TDRD10: variants seen among roughly 807,000 people sequenced by gnomAD.
The protein encoded by TDRD10 is tudor domain containing 10.
Under a neutral mutation model 48.0 loss-of-function variants are expected in TDRD10, and 40 were observed. That is an observed-to-expected ratio of 0.83 (90% CI 0.65 to 1.09). The LOEUF (loss-of-function observed/expected upper bound fraction) is 1.09, where lower values mean the gene tolerates loss of function less well. Among genes scored for constraint, TDRD10 ranks in the 50% least tolerant of loss-of-function variants. The pLI is 0.00. For missense variants in TDRD10, 378 were observed against 434.7 expected (o/e 0.87, Z 1.16); for synonymous variants, 162 against 170.4 (o/e 0.95, Z 0.38).
At chr1:154,543,833 C>T (rs1445711565) in intron 8 of TDRD10, 130 bp from the exon 9 acceptor site, 39 of 1,389,962 alleles carry the variant, frequency 2.8e-5, no homozygotes, top group Non-Finnish European at 3.5e-5. Flanking sequence ...GGGGTGGGCA[C>T]AGCCTTTCTG....
At chr1:154,518,589 G>A (rs1046381457) in intron 4 of TDRD10, among the ~76,000 whole-genome samples, 2 of 152,092 alleles carry the variant, frequency 1.3e-5, no homozygotes, top group Non-Finnish European at 2.9e-5. Flanking sequence ...CACCACGCCC[G>A]GCTAATTTTT....
chr1:154,547,634 G>T (rs759518730), intron 12 of TDRD10, 44 bp from the exon 13 acceptor site: 1 of 1,604,862 alleles, frequency 6.2e-7, no homozygotes, highest in South Asian at 1.1e-5. Flanking sequence ...GAACTGGCTC[G>T]GGTGGGCCTT....
At chr1:154,515,571 G>C (rs1178072623) in intron 4 of TDRD10, among the ~76,000 whole-genome samples, 1 of 152,172 alleles carries the variant, frequency 6.6e-6, no homozygotes, top group Non-Finnish European at 1.5e-5. Flanking sequence ...TGCACCTATG[G>C]CACTGCTCTG....
Position 154,507,346 on chromosome 1 carries a change from G to A in TDRD10, c.82+26G>A, listed in dbSNP as rs775942160. On this transcript the variant is annotated intron_variant, in intron 3 of 12. Coordinates refer to ENST00000368482, the MANE Select transcript of TDRD10 (RefSeq NM_182499.4). ...GTAAGTTAGGCTGGGGGATTCGCTG[G>A]TGCTGGGACTCTCATCCTACAACTT... 3 of 1,612,372 alleles carry A rather than the reference G, an allele frequency of 1.9e-6. No individual in the cohort carries two copies. The African/African-American group carries it at 4.0e-5, about 22-fold the overall frequency.
intron 1 of TDRD10, among the ~76,000 whole-genome samples, chr1:154,505,199 T>C (rs1483162807): frequency 6.6e-6 from 1 of 152,246 alleles, no homozygotes; most frequent in Non-Finnish European, 1.5e-5. Context: ...GGACTTCATC[T>C]GTAAAACGGG....
chr1:154,540,753 G>A (rs1200560646), intron 6 of TDRD10, among the ~76,000 whole-genome samples: 1 of 152,168 alleles, frequency 6.6e-6, no homozygotes, highest in Non-Finnish European at 1.5e-5. Context: ...TAAAACCGTT[G>A]CACTGGAGAT....
chr1:154,538,633 C>T (rs567825476), intron 6 of TDRD10, among the ~76,000 whole-genome samples: 7 of 149,048 alleles, frequency 4.7e-5, no homozygotes, highest in Non-Finnish European at 1.0e-4. Flanking sequence ...GCGGGCGGAT[C>T]ATGAGGTCAG....
intron 6 of TDRD10, among the ~76,000 whole-genome samples, chr1:154,524,819 C>A (rs540620270): frequency 2.6e-4 from 40 of 152,192 alleles, no homozygotes; most frequent in Non-Finnish European, 4.0e-4. Context: ...CCCTCTCCCC[C>A]ACCTTCACAG....
chr1:154,533,255 G>A (rs983364852), intron 6 of TDRD10, among the ~76,000 whole-genome samples: 1 of 152,072 alleles, frequency 6.6e-6, no homozygotes, highest in Non-Finnish European at 1.5e-5. Context: ...CTTGTTGGTG[G>A]CATTTAGCTG....
At chr1:154,521,290 C>T (rs1694039345) in intron 5 of TDRD10, 33 bp from the exon 6 acceptor site, 1 of 1,610,386 alleles carries the variant, frequency 6.2e-7, no homozygotes, top group Non-Finnish European at 8.5e-7. Context: ...TGGAGATGTG[C>T]TCAAAGCCTC....
chr1:154,524,387 G>A (rs376582231), intron 6 of TDRD10, among the ~76,000 whole-genome samples: 2 of 152,052 alleles, frequency 1.3e-5, no homozygotes, highest in Non-Finnish European at 2.9e-5. Context: ...GGCTGGTCTC[G>A]AACTCCTGGG....
chr1:154,540,626 T>C (rs1400817884), intron 6 of TDRD10, among the ~76,000 whole-genome samples: 2 of 152,080 alleles, frequency 1.3e-5, no homozygotes. Flanking sequence ...GCAGACATGC[T>C]AAGTCTGTGT....
At chr1:154,525,259 T>A (rs373681047) in intron 6 of TDRD10, among the ~76,000 whole-genome samples, 1 of 152,140 alleles carries the variant, frequency 6.6e-6, no homozygotes, top group Admixed American at 6.5e-5. Context: ...GGCTCTCACC[T>A]TTTTTTCTCT....
chr1:154,520,806 C>G (rs747414551), intron 5 of TDRD10, among the ~76,000 whole-genome samples: 8 of 151,636 alleles, frequency 5.3e-5, no homozygotes, highest in Non-Finnish European at 1.0e-4. Flanking sequence ...GGTGCAGTCT[C>G]GGCTCACTGC....
At chr1:154,507,091 T>G in intron 2 of TDRD10, 150 bp from the exon 3 acceptor site, 1 of 1,522,568 alleles carries the variant, frequency 6.6e-7, no homozygotes, top group Non-Finnish European at 8.8e-7. Context: ...GCTTCCTGGC[T>G]TGGAACCTGA....
chr1:154,528,434 C>G (rs746825394), intron 6 of TDRD10, among the ~76,000 whole-genome samples: 2 of 151,856 alleles, frequency 1.3e-5, no homozygotes, highest in Non-Finnish European at 2.9e-5. Context: ...CCATGTTGAT[C>G]AGGCTGGTCT....
At chr1:154,542,144 G>A (rs1277972119) in intron 7 of TDRD10, 78 bp downstream of exon 7, 11 of 1,480,926 alleles carry the variant, frequency 7.4e-6, no homozygotes, top group Non-Finnish European at 4.7e-6. Context: ...CCCTTCTGCA[G>A]CCTCCCTTCC....
intron 6 of TDRD10, among the ~76,000 whole-genome samples, chr1:154,523,194 C>T (rs1694149452): frequency 6.6e-6 from 1 of 152,214 alleles, no homozygotes; most frequent in Non-Finnish European, 1.5e-5. Context: ...GCATGAGCCA[C>T]TGCACCCCAC....
chr1:154,541,263 G>A (rs1286587400), intron 6 of TDRD10, among the ~76,000 whole-genome samples: 10 of 151,926 alleles, frequency 6.6e-5, no homozygotes, highest in Non-Finnish European at 1.3e-4. Context: ...ATGCAGGGGA[G>A]GGATGGCGGG....
Sources: allele counts gnomAD v4.1 joint callset (sites outside exome capture counted in the v4.1 genomes callset), GRCh38; gene constraint gnomAD v4.1.1; transcripts MANE v1.5; gene names NCBI Gene and HGNC (gene_info 2026-07-23, HGNC 2026-07-21).